The following TMEM236 variants were observed in gnomAD, a reference collection of about 807,000 sequenced individuals.
TMEM236 encodes the protein transmembrane protein 236.
TMEM236 carries 11 observed loss-of-function variants against 14.7 expected under a neutral mutation model. The ratio of observed to expected loss-of-function variants is 0.75; its 90% CI spans 0.47 to 1.24. TMEM236 has a LOEUF of 1.24. Among genes scored for constraint, TMEM236 ranks in the 50% most tolerant of loss-of-function variants. The pLI, the probability that TMEM236 is intolerant of heterozygous loss-of-function variation, is 0.00. For missense variants in TMEM236, 464 were observed against 427.3 expected (o/e 1.09, Z -0.76); for synonymous variants, 182 against 168.6 (o/e 1.08, Z -0.62).
chr10:17,762,614 T>TAC lies in TMEM236; in HGVS notation c.258-8694_258-8693insCA, dbSNP rs200824646. Among the ~76,000 whole-genome samples the TAC allele has an allele frequency of 5.5e-3, 433 of 78,266 alleles. 2 individuals carry two copies. Among genetic ancestry groups the TAC allele is most frequent in the Middle Eastern group, 0.015 (3 of 196 alleles). The allele number at this position is 78,266 out of a possible 152,430, so 51.3% of individuals were successfully genotyped here. A position where few individuals can be genotyped will look rare whatever the true frequency, so the allele number is the denominator to read the frequency against. ...ATATATATATATATATATATATATA[T>TAC]ATATACACACATACATATATATATA... is the stretch of plus-strand genomic sequence containing the variant. On this transcript the variant is annotated intron_variant, in intron 1 of 3. Transcript: ENST00000377495.
chr10:17,765,209 C>T (rs1837443502), intron 1 of TMEM236, among the ~76,000 whole-genome samples: 1 of 152,106 alleles, frequency 6.6e-6, no homozygotes, highest in African/African-American at 2.4e-5. Flanking sequence ...TCCATAAAGA[C>T]CTATTTACAA....
intron 1 of TMEM236, among the ~76,000 whole-genome samples, chr10:17,762,592 T>C (rs1184242959): frequency 1.4e-5 from 1 of 72,564 alleles, no homozygotes. Flanking sequence ...TATATATATA[T>C]ATATATATAT....
At chr10:17,776,214 A>G in intron 3 of TMEM236, 44 bp downstream of exon 3, 6 of 1,570,162 alleles carry the variant, frequency 3.8e-6, no homozygotes, top group South Asian at 3.3e-5. Flanking sequence ...AGTTTGATAT[A>G]TTTTTCACAT....
chr10:17,782,429 T>A (rs1837767379), intron 3 of TMEM236, among the ~76,000 whole-genome samples: 1 of 152,022 alleles, frequency 6.6e-6, no homozygotes, highest in Non-Finnish European at 1.5e-5. Flanking sequence ...GTGGGCATCA[T>A]TCTCATTATT....
intron 1 of TMEM236, among the ~76,000 whole-genome samples, chr10:17,760,345 A>ATTT (rs34005905): frequency 6.9e-6 from 1 of 145,972 alleles, no homozygotes; most frequent in Non-Finnish European, 1.5e-5. Flanking sequence ...TGGTATGTCC[A>ATTT]TTTTTTTTTT....
rs556613613 is a variant in TMEM236, at chr10:17,776,023, A to G, written c.331-6A>G. 200 of 1,613,870 alleles carry G rather than the reference A, an allele frequency of 1.2e-4. No homozygotes were observed. Among genetic ancestry groups the G allele is most frequent in the Non-Finnish European group, 1.6e-4 (188 of 1,179,810 alleles). On this transcript the variant is annotated splice_region_variant and splice_polypyrimidine_tract_variant and intron_variant, in intron 2 of 3. Coordinates refer to ENST00000377495, the MANE Select transcript of TMEM236 (RefSeq NM_001098844.3). ...TTAATGCTTGTAAATGGTTTTCTCT[A>G]AACAGGTTCAAAAGAGCATTAATGG...
rs1554836518 is a variant in TMEM236 at position 17,797,468 on chromosome 10, T to G, written c.*964T>G. 1 of 152,180 alleles carries G rather than the reference T, an allele frequency of 6.6e-6. No homozygotes were observed. Among genetic ancestry groups the G allele is most frequent in the African/African-American group, 2.4e-5 (1 of 41,438 alleles). 9.4% of individuals were successfully genotyped at this position (152,180 alleles called of 1,614,324 possible). On this transcript the variant is annotated 3_prime_UTR_variant, in exon 4 of 4. Coordinates refer to ENST00000377495, the MANE Select transcript of TMEM236 (RefSeq NM_001098844.3). ...GCCACCACGCTGGCTAATTTTTGTA[T>G]TTTTAGTAGAGACGAGGTTTCACCA... is the stretch of plus-strand genomic sequence containing the variant.
chr10:17,786,776 T>G (rs1474394658), intron 3 of TMEM236, among the ~76,000 whole-genome samples: 3 of 152,150 alleles, frequency 2.0e-5, no homozygotes, highest in Non-Finnish European at 4.4e-5. Flanking sequence ...CACCCAAATC[T>G]CAACTTGAAT....
chr10:17,793,746 C>T (rs1416951291), intron 3 of TMEM236, among the ~76,000 whole-genome samples: 2 of 152,120 alleles, frequency 1.3e-5, no homozygotes, highest in Non-Finnish European at 2.9e-5. Flanking sequence ...GCCTCCCAAA[C>T]TGCTGGGATT....
At chr10:17,768,191 G>T (rs1419250504) in intron 1 of TMEM236, among the ~76,000 whole-genome samples, 1 of 142,594 alleles carries the variant, frequency 7.0e-6, no homozygotes, top group East Asian at 2.1e-4. Flanking sequence ...GCCTCCCAAA[G>T]TGCTGGAATT....
At chr10:17,788,685 G>A (rs1401473384) in intron 3 of TMEM236, among the ~76,000 whole-genome samples, 3 of 151,350 alleles carry the variant, frequency 2.0e-5, no homozygotes, top group East Asian at 1.9e-4. Context: ...ATTTTATATT[G>A]TATAAGATAC....
intron 1 of TMEM236, among the ~76,000 whole-genome samples, chr10:17,768,552 A>G (rs1589143563): frequency 6.6e-6 from 1 of 152,236 alleles, no homozygotes; most frequent in South Asian, 2.1e-4. Flanking sequence ...GTTTCATCGC[A>G]CAAAAATGAT....
intron 3 of TMEM236, among the ~76,000 whole-genome samples, chr10:17,780,710 G>A (rs1412869896): frequency 6.6e-6 from 1 of 152,150 alleles, no homozygotes; most frequent in Non-Finnish European, 1.5e-5. Context: ...AGATACCCAA[G>A]GTTCGTCATC....
rs1838011843 is a variant in TMEM236 at position 17,796,206 on chromosome 10, G to C, written c.758G>C (p.Arg253Pro). 9 of 1,613,846 alleles carry C rather than the reference G, an allele frequency of 5.6e-6. No homozygotes were observed. The highest frequency in any genetic ancestry group is 7.6e-6 in the Non-Finnish European group (9 of 1,179,886). ...TGGTCTGACACGATAGAAATGGTGC[G>C]TGTGGCTGGTCACCCCAACGTGTAC... is the stretch of plus-strand genomic sequence containing the variant. Reference protein sequence around the residue: ...LLWSDTIEMVRVAGHPNVYKS... With the variant: ...LLWSDTIEMVPVAGHPNVYKS... Residue 253 changes from arginine to proline, a missense_variant, in exon 4 of 4, where the codon CGT becomes CCT. By Grantham distance (103) the Arg-to-Pro change is moderately radical. Coordinates refer to ENST00000377495, the MANE Select transcript of TMEM236 (RefSeq NM_001098844.3).
chr10:17,758,574 A>G (rs1278501534), intron 1 of TMEM236, among the ~76,000 whole-genome samples: 2 of 152,250 alleles, frequency 1.3e-5, no homozygotes, highest in Admixed American at 6.5e-5. Context: ...AAGAAATTTC[A>G]TAAGATCATG....
At chr10:17,755,073 G>T (rs1837264605) in intron 1 of TMEM236, among the ~76,000 whole-genome samples, 1 of 151,586 alleles carries the variant, frequency 6.6e-6, no homozygotes, top group Admixed American at 6.6e-5. Context: ...TGAGTTGCTG[G>T]GATTACAGGG....
At chr10:17,781,763 A>G (rs922469487) in intron 3 of TMEM236, among the ~76,000 whole-genome samples, 1 of 150,736 alleles carries the variant, frequency 6.6e-6, no homozygotes, top group African/African-American at 2.5e-5. Context: ...AAAAAAAAAA[A>G]AAAGGAAAGA....
At chr10:17,790,273 T>G (rs935676776) in intron 3 of TMEM236, among the ~76,000 whole-genome samples, 4 of 152,184 alleles carry the variant, frequency 2.6e-5, no homozygotes, top group Non-Finnish European at 5.9e-5. Context: ...AGTTCTGCTT[T>G]CTAAGGTTTA....
At chr10:17,768,760 T>TGTGTGTGC (rs1406545867) in intron 1 of TMEM236, among the ~76,000 whole-genome samples, 2 of 151,354 alleles carry the variant, frequency 1.3e-5, no homozygotes, top group Non-Finnish European at 2.9e-5. Flanking sequence ...TGTGTGTGTG[T>TGTGTGTGC]GCCTGTATGT....
Sources: allele counts gnomAD v4.1 joint callset (sites outside exome capture counted in the v4.1 genomes callset), GRCh38; gene constraint gnomAD v4.1.1; transcripts MANE v1.5; gene names NCBI Gene and HGNC (gene_info 2026-07-23, HGNC 2026-07-21).